Variants in TTC28 observed in about 807,000 individuals in gnomAD.
The protein encoded by TTC28 is tetratricopeptide repeat domain 28.
TTC28 carries 61 observed loss-of-function variants against 198.0 expected under a neutral mutation model. The ratio of observed to expected loss-of-function variants is 0.31; its 90% CI spans 0.25 to 0.38. The LOEUF is 0.38. Ranked by LOEUF, TTC28 falls within the 10% of genes least tolerant of loss-of-function variation. The probability of loss-of-function intolerance (pLI) is 1.00; values close to 1 mark genes in which losing one functional copy is unlikely to be tolerated. For synonymous variants in TTC28, 1,171 were observed against 1,297.8 expected (o/e 0.90, Z 2.10); for missense variants, 2,678 against 3,164.0 (o/e 0.85, Z 3.69).
intron 2 of TTC28, among the ~76,000 whole-genome samples, chr22:28,604,218 C>T (rs916166927): frequency 5.4e-5 from 8 of 148,204 alleles, no homozygotes; most frequent in Non-Finnish European, 1.0e-4. Context: ...GCAGATGTTA[C>T]GGTGAGCAGA....
At chr22:28,104,234 G>A (rs1338912902) in intron 8 of TTC28, among the ~76,000 whole-genome samples, 2 of 152,172 alleles carry the variant, frequency 1.3e-5, no homozygotes, top group African/African-American at 4.8e-5. Context: ...AGAGGATCTT[G>A]TATGGTTTCT....
chr22:28,166,885 C>G (rs979867285), intron 5 of TTC28, among the ~76,000 whole-genome samples: 2 of 151,938 alleles, frequency 1.3e-5, no homozygotes, highest in African/African-American at 4.8e-5. Context: ...AATCCAGGAG[C>G]TGGTTTTTGA....
At chr22:28,651,734 T>C (rs2051567654) in intron 1 of TTC28, among the ~76,000 whole-genome samples, 1 of 151,960 alleles carries the variant, frequency 6.6e-6, no homozygotes, top group Admixed American at 6.6e-5. Context: ...CTGACCTCTC[T>C]TAAACATAAA....
chr22:28,518,733 G>C (rs1334018393), intron 2 of TTC28, among the ~76,000 whole-genome samples: 1 of 152,196 alleles, frequency 6.6e-6, no homozygotes, highest in Admixed American at 6.5e-5. Context: ...ATGTTTGGCA[G>C]AATTCATCTA....
chr22:28,321,973 A>G (rs1474505540), intron 2 of TTC28, among the ~76,000 whole-genome samples: 1 of 152,066 alleles, frequency 6.6e-6, no homozygotes, highest in African/African-American at 2.4e-5. Context: ...CTGGGACTAC[A>G]GGTGCCCACC....
intron 2 of TTC28, among the ~76,000 whole-genome samples, chr22:28,442,094 T>C (rs1199094098): frequency 1.3e-5 from 2 of 152,104 alleles, no homozygotes; most frequent in Non-Finnish European, 2.9e-5. Context: ...CAATAGCAAT[T>C]TATTTTGATA....
chr22:28,096,556 T>A (rs1316798352), intron 10 of TTC28, 148 bp from the exon 11 acceptor site: 23 of 847,932 alleles, frequency 2.7e-5, no homozygotes, highest in Non-Finnish European at 3.5e-5. Flanking sequence ...CTGCTTCAGA[T>A]TCAATTCCCT....
At chr22:28,078,705 A>G (rs1213466333) in intron 12 of TTC28, among the ~76,000 whole-genome samples, 3 of 152,162 alleles carry the variant, frequency 2.0e-5, no homozygotes, top group South Asian at 2.1e-4. Flanking sequence ...GAAGCGCTTC[A>G]TTTGCAGAAC....
At chr22:28,099,437 T>A (rs1471652628) in intron 9 of TTC28, among the ~76,000 whole-genome samples, 1 of 152,218 alleles carries the variant, frequency 6.6e-6, no homozygotes, top group Non-Finnish European at 1.5e-5. Flanking sequence ...CTGGTCTCAC[T>A]AGCGCCCAGA....
chr22:28,091,637 T>G (rs1941817051), intron 12 of TTC28, among the ~76,000 whole-genome samples: 1 of 152,168 alleles, frequency 6.6e-6, no homozygotes, highest in African/African-American at 2.4e-5. Context: ...TCGGCAAGGC[T>G]GACCCCATGG....
intron 1 of TTC28, among the ~76,000 whole-genome samples, chr22:28,653,212 A>G (rs1431962586): frequency 6.6e-6 from 1 of 152,080 alleles, no homozygotes; most frequent in Non-Finnish European, 1.5e-5. Flanking sequence ...ATAAAAATAA[A>G]CATACCATAT....
chr22:28,384,235 TG>T (rs1337444114), intron 2 of TTC28, among the ~76,000 whole-genome samples: 1 of 152,130 alleles, frequency 6.6e-6, no homozygotes, highest in Non-Finnish European at 1.5e-5. Flanking sequence ...TTTAAACATT[TG>T]TTTTTTTGTT....
At chr22:28,367,031 C>T (rs1397136288) in intron 2 of TTC28, among the ~76,000 whole-genome samples, 1 of 151,858 alleles carries the variant, frequency 6.6e-6, no homozygotes, top group African/African-American at 2.4e-5. Flanking sequence ...ACAGATCTCC[C>T]AGACAAAAAA....
intron 5 of TTC28, among the ~76,000 whole-genome samples, chr22:28,200,984 A>G (rs1925879978): frequency 6.6e-6 from 1 of 152,152 alleles, no homozygotes; most frequent in Non-Finnish European, 1.5e-5. Context: ...TCCCATTTAT[A>G]AAGGAAAAAT....
At chr22:28,058,808 T>C (rs1222426472) in intron 12 of TTC28, among the ~76,000 whole-genome samples, 1 of 152,084 alleles carries the variant, frequency 6.6e-6, no homozygotes, top group Non-Finnish European at 1.5e-5. Flanking sequence ...CATATTTTGC[T>C]TAATCTAGTA....
Position 27,979,909 on chromosome 22 carries a change from C to T in TTC28, c.*2312G>A, listed in dbSNP as rs954844136. ...TAAGACAGAATAAAACCACATAAAC[C>T]ATTGGCTCTTCAGTATGAAACCTAA... On this transcript the variant is annotated 3_prime_UTR_variant, in exon 23 of 23. Transcript: ENST00000397906. The T allele has an allele frequency of 6.6e-6, 1 of 152,188 alleles. No individual in the cohort carries two copies. The highest frequency in any genetic ancestry group is 2.4e-5 in the African/African-American group (1 of 41,436). 9.4% of individuals were successfully genotyped at this position (152,188 alleles called of 1,614,324 possible).
intron 1 of TTC28, among the ~76,000 whole-genome samples, chr22:28,645,532 C>A (rs1397611378): frequency 1.3e-5 from 2 of 150,528 alleles, no homozygotes; most frequent in African/African-American, 4.9e-5. Context: ...GAGGCTGAGG[C>A]AGGAGAATTG....
At chr22:28,643,777 T>C (rs551206477) in intron 1 of TTC28, among the ~76,000 whole-genome samples, 13 of 152,344 alleles carry the variant, frequency 8.5e-5, no homozygotes, top group African/African-American at 2.4e-4. Context: ...AAGAATTACA[T>C]AGACTATACA....
intron 12 of TTC28, among the ~76,000 whole-genome samples, chr22:28,072,056 G>A (rs1337672801): frequency 6.6e-6 from 1 of 152,224 alleles, no homozygotes; most frequent in Non-Finnish European, 1.5e-5. Flanking sequence ...TCTGGATTAA[G>A]TCTACCTCTT....
Sources: allele counts gnomAD v4.1 joint callset (sites outside exome capture counted in the v4.1 genomes callset), GRCh38; gene constraint gnomAD v4.1.1; transcripts MANE v1.5; gene names NCBI Gene and HGNC (gene_info 2026-07-23, HGNC 2026-07-21).